Variants in SH3BP2 observed in about 807,000 individuals in gnomAD.
SH3BP2 encodes SH3 domain-binding protein 2.
In SH3BP2, 38 loss-of-function variants were observed where a neutral mutation model predicts 56.2. The observed-to-expected ratio is 0.68, with a 90% CI of 0.52 to 0.89. The LOEUF is 0.89. Ranked by LOEUF, SH3BP2 falls within the 40% of genes least tolerant of loss-of-function variation. The pLI, the probability that SH3BP2 is intolerant of heterozygous loss-of-function variation, is 0.00. For missense variants in SH3BP2, 748 were observed against 762.6 expected (o/e 0.98, Z 0.23); for synonymous variants, 346 against 316.7 (o/e 1.09, Z -0.98).
chr4:2,827,242 G>A lies in SH3BP2; in HGVS notation c.441G>A (p.Ser147=), dbSNP rs145235325. The A allele has an allele frequency of 7.0e-4, 1,129 of 1,614,134 alleles. 1 individual carries two copies. The highest frequency in any genetic ancestry group is 8.5e-4 in the Non-Finnish European group (1,006 of 1,180,012). ...CCCTGCATTGCAGCGACTCCAGCTCGGACACAGACAGCTTCTACGGCGCAG... is the reference window on the plus strand; with the variant it reads ...CCCTGCATTGCAGCGACTCCAGCTCAGACACAGACAGCTTCTACGGCGCAG... The part of the protein sequence containing the change: ...DLPLDTSDSS[S]DTDSFYGAVE... Residue 147 remains serine, a synonymous_variant, in exon 6 of 13, where the codon TCG becomes TCA. Transcript: ENST00000503393.
chr4:2,806,588 TTCACTGTCTCCAGCCCCACC>T lies in SH3BP2; in HGVS notation c.-5+13455_-5+13474del, dbSNP rs1334213837. Among the ~76,000 whole-genome samples, 447 of 151,816 alleles carry T rather than the reference TTCACTGTCTCCAGCCCCACC, an allele frequency of 2.9e-3. 3 individuals carry two copies. Among genetic ancestry groups the T allele is most frequent in the African/African-American group, 0.01 (415 of 41,344 alleles). ...CCAGACCCACCTCGCCTTGCCTCAC[TTCACTGTCTCCAGCCCCACC>T]TCACCGTCTCCAGCCCCACCTCACC... On this transcript the variant is annotated intron_variant, in intron 1 of 12. Transcript: ENST00000503393.
In SH3BP2 at chr4:2,833,041, T is replaced by C; in HGVS notation, c.1540T>C (p.Phe514Leu). 1 of 1,614,180 alleles carries C rather than the reference T, an allele frequency of 6.2e-7. No homozygotes were observed. The highest frequency in any genetic ancestry group is 8.5e-7 in the Non-Finnish European group (1 of 1,180,014). Residue 514 changes from phenylalanine (F) to leucine (L), a missense_variant, in exon 12 of 13, where the codon TTT becomes CTT. Physicochemically the swap from Phe to Leu is conservative, Grantham distance 22. Coordinates refer to ENST00000503393, the MANE Select transcript of SH3BP2 (RefSeq NM_001122681.2). ...TSNKVRNYRIFEKDSKFYLEG... is the reference protein window; with the variant it reads ...TSNKVRNYRILEKDSKFYLEG... Reference sequence around the variant, plus strand: ...TAACAAAGTGAGGAACTATCGCATTTTTGAGAAGGTGAGAGGGCTCTGAGT... The same window carrying C: ...TAACAAAGTGAGGAACTATCGCATTCTTGAGAAGGTGAGAGGGCTCTGAGT...
In SH3BP2 at chr4:2,797,851, C is replaced by T. The variant is rs901074191; in HGVS notation, c.-5+4713C>T. The stretch of plus-strand genomic sequence containing the variant: ...CTCCCACTCCTGGGCAGGGAAGTGG[C>T]GCGGGCAACGGGCGGGCTGTGCCAA... On this transcript the variant is annotated intron_variant, in intron 1 of 12. Coordinates refer to ENST00000503393, the MANE Select transcript of SH3BP2 (RefSeq NM_001122681.2). Among the ~76,000 whole-genome samples the T allele has an allele frequency of 7.2e-5, 11 of 152,294 alleles. No homozygotes were observed. In the South Asian group the frequency reaches 1.7e-3, roughly 23 times the overall value.
chr4:2,832,453 TCCACACACCCA>T, intron 11 of SH3BP2, 41 bp downstream of exon 11: 1 of 1,502,878 alleles, frequency 6.7e-7, no homozygotes, highest in Non-Finnish European at 9.3e-7. Flanking sequence ...CCTCTGGCTC[TCCACACACCCA>T]GGCTGTGGGT....
intron 3 of SH3BP2, among the ~76,000 whole-genome samples, chr4:2,824,043 GC>G (rs756815000): frequency 3.9e-4 from 59 of 152,244 alleles, no homozygotes; most frequent in Non-Finnish European, 8.2e-4. Context: ...GAATTGTCTA[GC>G]CCATCAGGGA....
At chr4:2,833,072 G>C (rs199820587) in intron 12 of SH3BP2, 23 bp downstream of exon 12, 1 of 1,611,452 alleles carries the variant, frequency 6.2e-7, no homozygotes. Flanking sequence ...TGAGTGGGAC[G>C]GGGACCCTGG....
chr4:2,837,999 C>G lies in SH3BP2; in HGVS notation c.*4165C>G, dbSNP rs531986933. On this transcript the variant is annotated 3_prime_UTR_variant, in exon 13 of 13. Transcript: ENST00000503393. ...CCCTACCTGTCTACCCTCCTTCGGA[C>G]CCCTAGGAAGCTTCGCAGGCCTTCC... The G allele has an allele frequency of 7.3e-4, 111 of 152,408 alleles. No homozygotes were observed. The highest frequency in any genetic ancestry group is 2.6e-3 in the African/African-American group (106 of 41,560). The allele number at this position is 152,408 out of a possible 1,614,324, so 9.4% of individuals were successfully genotyped here.
chr4:2,800,913 G>T (rs567121901), intron 1 of SH3BP2, among the ~76,000 whole-genome samples: 32 of 152,192 alleles, frequency 2.1e-4, no homozygotes, highest in Non-Finnish European at 4.1e-4. Context: ...GTGGCCTTGA[G>T]CCCTGAGGCT....
At position 2,837,147 on chromosome 4, in the gene SH3BP2, TCTC is replaced by T. The variant is rs1243344543; in HGVS notation, c.*3316_*3318del. 6.6e-6 allele frequency: 1 copy of T among 152,126 alleles called. No individual in the cohort carries two copies. Among genetic ancestry groups the T allele is most frequent in the Non-Finnish European group, 1.5e-5 (1 of 68,032 alleles). 9.4% of individuals were successfully genotyped at this position (152,126 alleles called of 1,614,324 possible). A position where few individuals can be genotyped will look rare whatever the true frequency, so the allele number is the denominator to read the frequency against. ...TGCAAATCTCCAGGGTTCAATCGAT[TCTC>T]CTGCCTCACCCTCCCATGTAGCTGG... is the stretch of plus-strand genomic sequence containing the variant. On this transcript the variant is annotated 3_prime_UTR_variant, in exon 13 of 13. Transcript: ENST00000503393.
chr4:2,828,497 C>T (rs564370985), intron 7 of SH3BP2, among the ~76,000 whole-genome samples: 63 of 152,294 alleles, frequency 4.1e-4, no homozygotes, highest in Admixed American at 1.4e-3. Flanking sequence ...CGAGGGTCTG[C>T]GGGCCGCTTG....
intron 3 of SH3BP2, 123 bp from the exon 4 acceptor site, chr4:2,824,490 C>G (rs942292532): frequency 5.9e-6 from 4 of 679,584 alleles, no homozygotes; most frequent in Non-Finnish European, 9.9e-6. Context: ...CAGGGCCCAC[C>G]CGATCTGCCC....
rs1326764148 is a variant in SH3BP2, at chr4:2,819,781, G to A, written c.-4-833G>A. On this transcript the variant is annotated intron_variant, in intron 1 of 12. Transcript: ENST00000503393. ...AGTAGAAGTTCTCTGCATGGGAAGG[G>A]GTGGAGGTCATTTCAGGCAGAGGAG... is the stretch of plus-strand genomic sequence containing the variant. Among the ~76,000 whole-genome samples, 6 of 152,126 alleles carry A rather than the reference G, an allele frequency of 3.9e-5. No individual in the cohort carries two copies. In the East Asian group the frequency reaches 1.2e-3, roughly 29 times the overall value.
At chr4:2,809,724 A>G (rs924167881) in intron 1 of SH3BP2, 18 of 918,558 alleles carry the variant, frequency 2.0e-5, no homozygotes, top group Non-Finnish European at 2.2e-5. Context: ...CTTACTCCTG[A>G]GCGGGCTGAA....
intron 1 of SH3BP2, among the ~76,000 whole-genome samples, chr4:2,803,732 GGGCCTTTGC>G (rs1723418050): frequency 6.6e-6 from 1 of 152,164 alleles, no homozygotes; most frequent in Admixed American, 6.5e-5. Flanking sequence ...TGCAACCCCA[GGGCCTTTGC>G]ACAAGCTATG....
At chr4:2,827,355 C>T in intron 6 of SH3BP2, 37 bp downstream of exon 6, 2 of 1,570,414 alleles carry the variant, frequency 1.3e-6, no homozygotes, top group Non-Finnish European at 1.8e-6. Context: ...CCGTTTGCCT[C>T]TCCCCACCTG....
intron 1 of SH3BP2, among the ~76,000 whole-genome samples, chr4:2,794,558 G>A (rs1362932220): frequency 1.3e-5 from 2 of 152,370 alleles, no homozygotes; most frequent in African/African-American, 4.8e-5. Flanking sequence ...CTGGCTCTGT[G>A]CCCTGCGTTA....
At chr4:2,828,280 T>C (rs1396682920) in intron 7 of SH3BP2, among the ~76,000 whole-genome samples, 1 of 151,982 alleles carries the variant, frequency 6.6e-6, no homozygotes, top group East Asian at 1.9e-4. Flanking sequence ...CCTTGATCCT[T>C]CCATTTTCCC....
chr4:2,828,473 A>C (rs16843419), intron 7 of SH3BP2, among the ~76,000 whole-genome samples: 7,727 of 152,036 alleles, frequency 0.051, 252 homozygotes, highest in South Asian at 0.089. Flanking sequence ...CAGTGCCAAC[A>C]GTCCTTCAGC....
rs2108690351 is a variant in SH3BP2 at position 2,793,090 on chromosome 4, A to C, written c.-53A>C. ...GGCGGGAGCGCCTGGCGGCCGAGTC[A>C]AGCCGCCGCCTCGACCCAGGGCCCG... On this transcript the variant is annotated 5_prime_UTR_variant, in exon 1 of 13. Transcript: ENST00000503393. 1 of 148,522 alleles carries C rather than the reference A, an allele frequency of 6.7e-6. No homozygotes were observed. The highest frequency in any genetic ancestry group is 2.0e-4 in the East Asian group (1 of 4,950). 9.2% of individuals were successfully genotyped at this position (148,522 alleles called of 1,614,324 possible). A position where few individuals can be genotyped will look rare whatever the true frequency, so the allele number is the denominator to read the frequency against.
Sources: allele counts gnomAD v4.1 joint callset (sites outside exome capture counted in the v4.1 genomes callset), GRCh38; gene constraint gnomAD v4.1.1; transcripts MANE v1.5; gene names NCBI Gene and HGNC (gene_info 2026-07-23, HGNC 2026-07-21).